Variants in TNRC6A observed in about 807,000 individuals in gnomAD.
The protein encoded by TNRC6A is trinucleotide repeat-containing gene 6A protein.
In TNRC6A, 44 loss-of-function variants were observed where a neutral mutation model predicts 221.2. That is an observed-to-expected ratio of 0.20 (90% CI 0.16 to 0.26). The LOEUF is 0.26. TNRC6A is among the 10% of genes least tolerant of loss of function. TNRC6A has a pLI of 1.00. For missense variants in TNRC6A, 2,199 were observed against 2,404.4 expected, an observed-to-expected ratio of 0.91 and a Z score of 1.79; for synonymous variants, 847 against 838.5, an observed-to-expected ratio of 1.01 and a Z score of -0.18.
At chr16:24,742,697 G>T (rs1046448366) in intron 2 of TNRC6A, among the ~76,000 whole-genome samples, 1 of 152,170 alleles carries the variant, frequency 6.6e-6, no homozygotes, top group African/African-American at 2.4e-5. Flanking sequence ...CGAGACAGGT[G>T]AATCACCTGA....
In TNRC6A at chr16:24,790,087, C is replaced by T. The variant is rs2058065122; in HGVS notation, c.1445C>T (p.Ala482Val). ...NNELPSSNTG[A>V]WRVSTMNHPQ... ...GAGCTGCCTAGTAGTAACACAGGGG[C>T]CTGGCGTGTGAGCACAATGAATCAT... The change falls in exon 6 of 25, where the codon GCC becomes GTC. Residue 482 changes from alanine to valine, a missense_variant. Around this residue, in one of 8 missense-constraint regions of TNRC6A, gnomAD observed 1,405 missense variants for 1,400.2 expected, o/e 1.00. Transcript: ENST00000395799. The T allele has an allele frequency of 1.9e-6, 3 of 1,614,158 alleles. No individual in the cohort carries two copies. The highest frequency in any genetic ancestry group is 2.5e-6 in the Non-Finnish European group (3 of 1,180,024).
At chr16:24,782,730 AAATT>A (rs2057878183) in intron 5 of TNRC6A, among the ~76,000 whole-genome samples, 1 of 151,920 alleles carries the variant, frequency 6.6e-6, no homozygotes, top group Non-Finnish European at 1.5e-5. Context: ...ACAAAAAACA[AAATT>A]AGCCAGGCGT....
At position 24,791,015 on chromosome 16, in the gene TNRC6A, G is replaced by C. The variant is rs747892750; in HGVS notation, c.2373G>C (p.Arg791Ser). The C allele has an allele frequency of 1.9e-6, 3 of 1,592,466 alleles. No individual in the cohort carries two copies. The highest frequency in any genetic ancestry group is 2.6e-6 in the Non-Finnish European group (3 of 1,169,296). The change falls in exon 6 of 25, where the codon AGG becomes AGC. Residue 791 changes from arginine to serine, a missense_variant. Arg to Ser is a moderately radical substitution (Grantham distance 110). Transcript: ENST00000395799. ...SGWGDPKPAL[R>S]WGDSKGSNCQ... is the part of the protein sequence containing the mutation. ...GGGGCGATCCCAAACCTGCTCTGAG[G>C]TGGGGAGATTCCAAAGGCTCAAACT...
At chr16:24,791,875 T>G (rs1161912274) in intron 6 of TNRC6A, 58 bp downstream of exon 6, 1 of 1,436,866 alleles carries the variant, frequency 7.0e-7, no homozygotes. Context: ...TTATAAGATT[T>G]GTATAACAAA....
rs187927499 is a variant in TNRC6A, at chr16:24,774,906, C to T, written c.164-2027C>T. On this transcript the variant is annotated intron_variant, in intron 4 of 24. Transcript: ENST00000395799. ...AATCATCTCTAGATTACTTACAATACCAAATATAATGTAAATGCTGTGTAA... is the reference window on the plus strand; with the variant it reads ...AATCATCTCTAGATTACTTACAATATCAAATATAATGTAAATGCTGTGTAA... 2.9e-4 allele frequency among the ~76,000 whole-genome samples: 44 copies of T among 152,246 alleles called. No individual in the cohort carries two copies. The East Asian group carries it at 7.7e-3, about 27-fold the overall frequency.
chr16:24,806,710 A>G lies in TNRC6A; in HGVS notation c.4466A>G (p.Asn1489Ser), dbSNP rs75588496. ...HQPAMKSFLDNVMPHTTPELQ... is the reference protein window; with the variant it reads ...HQPAMKSFLDSVMPHTTPELQ... Reference sequence around the variant, plus strand: ...CCAGCCATGAAGTCTTTCCTTGACAATGTCATGCCCCACACTACACCTGAG... The same window carrying G: ...CCAGCCATGAAGTCTTTCCTTGACAGTGTCATGCCCCACACTACACCTGAG... Residue 1489 changes from asparagine (N) to serine (S), a missense_variant, in exon 17 of 25, where the codon AAT (asparagine) becomes AGT (serine). Around this residue, in one of 8 missense-constraint regions of TNRC6A, gnomAD observed 449 missense variants for 579.7 expected, o/e 0.77. Transcript: ENST00000395799. The G allele has an allele frequency of 1.4e-5, 23 of 1,614,162 alleles. No homozygotes were observed. The highest frequency in any genetic ancestry group is 8.8e-5 in the South Asian group (8 of 91,080).
chr16:24,773,225 T>C (rs1212374029), intron 4 of TNRC6A, among the ~76,000 whole-genome samples: 2 of 152,220 alleles, frequency 1.3e-5, no homozygotes, highest in Non-Finnish European at 2.9e-5. Context: ...TTTTTTTGTG[T>C]GCACTGGTTT....
chr16:24,811,385 C>G (rs1454045320), intron 18 of TNRC6A, among the ~76,000 whole-genome samples: 1 of 152,178 alleles, frequency 6.6e-6, no homozygotes, highest in East Asian at 1.9e-4. Flanking sequence ...ATCCCTTCAT[C>G]TCAGCACCCA....
chr16:24,699,731 A>G (rs1442448523), intron 2 of TNRC6A, among the ~76,000 whole-genome samples: 3 of 152,106 alleles, frequency 2.0e-5, no homozygotes, highest in Admixed American at 1.3e-4. Flanking sequence ...CCAAAAAAAA[A>G]AAAAAAAGCT....
Position 24,822,159 on chromosome 16 carries a change from A to G in TNRC6A, c.5373+12A>G, listed in dbSNP as rs1460423033. ...ACCTTACACCTCAGGTAAGGATACCAGATACGCTGGTTTATGTGGCTACGC... is the reference window on the plus strand; with the variant it reads ...ACCTTACACCTCAGGTAAGGATACCGGATACGCTGGTTTATGTGGCTACGC... On this transcript the variant is annotated intron_variant, in intron 23 of 24. Transcript: ENST00000395799. 1 of 1,613,534 alleles carries G rather than the reference A, an allele frequency of 6.2e-7. No individual in the cohort carries two copies. The highest frequency in any genetic ancestry group is 1.7e-5 in the Admixed American group (1 of 60,018).
At position 24,720,383 on chromosome 16, in the gene TNRC6A, C is replaced by A. The variant is rs1040383890; in HGVS notation, n.403-30343C>A. On this transcript the variant is annotated intron_variant and non_coding_transcript_variant, in intron 2 of 2. Transcript: ENST00000566108. Reference sequence around the variant, plus strand: ...CACCCGTCTGGGTGACACAGCTAGACCTTGTCTCAAAAAAAGAAAAAGAGG... The same window carrying A: ...CACCCGTCTGGGTGACACAGCTAGAACTTGTCTCAAAAAAAGAAAAAGAGG... Among the ~76,000 whole-genome samples the A allele has an allele frequency of 2.0e-5, 3 of 151,190 alleles. No individual in the cohort carries two copies. In the East Asian group the frequency reaches 5.9e-4, roughly 30 times the overall value.
chr16:24,706,099 C>A (rs968845195), intron 2 of TNRC6A, among the ~76,000 whole-genome samples: 3 of 152,134 alleles, frequency 2.0e-5, no homozygotes, highest in Non-Finnish European at 4.4e-5. Context: ...CCAACGCTCA[C>A]ACTTACAACA....
chr16:24,778,746 G>A (rs1220381888), intron 5 of TNRC6A, among the ~76,000 whole-genome samples: 1 of 152,072 alleles, frequency 6.6e-6, no homozygotes, highest in East Asian at 1.9e-4. Flanking sequence ...TCTTATAGAA[G>A]GACCTGTACT....
chr16:24,667,454 G>A (rs1270209104), intron 2 of TNRC6A, among the ~76,000 whole-genome samples: 1 of 152,196 alleles, frequency 6.6e-6, no homozygotes, highest in East Asian at 1.9e-4. Context: ...TGTGGTCCAA[G>A]TAGATCATAA....
At chr16:24,761,503 G>T (rs2057362284) in intron 4 of TNRC6A, among the ~76,000 whole-genome samples, 1 of 151,962 alleles carries the variant, frequency 6.6e-6, no homozygotes, top group Non-Finnish European at 1.5e-5. Context: ...TGGGAACTTG[G>T]TTGAGAATAA....
intron 1 of TNRC6A, among the ~76,000 whole-genome samples, chr16:24,621,149 T>A (rs1900654244): frequency 6.6e-6 from 1 of 150,508 alleles, no homozygotes; most frequent in Non-Finnish European, 1.5e-5. Context: ...AAAATAGTAT[T>A]CAAGTTGTTT....
chr16:24,775,543 T>C (rs1473112451), intron 4 of TNRC6A, among the ~76,000 whole-genome samples: 5 of 152,202 alleles, frequency 3.3e-5, no homozygotes, highest in African/African-American at 1.2e-4. Flanking sequence ...GAAGAGGAAG[T>C]TGGTGGCTAT....
chr16:24,774,645 C>A (rs1415718949), intron 4 of TNRC6A, among the ~76,000 whole-genome samples: 1 of 152,088 alleles, frequency 6.6e-6, no homozygotes, highest in Admixed American at 6.5e-5. Flanking sequence ...GTAGCTGCCA[C>A]CTTAAGTTGA....
intron 4 of TNRC6A, among the ~76,000 whole-genome samples, chr16:24,766,996 A>G (rs1436019644): frequency 6.6e-6 from 1 of 152,060 alleles, no homozygotes; most frequent in African/African-American, 2.4e-5. Flanking sequence ...TCTTTTTATG[A>G]ATTTCCCATC....
Sources: allele counts gnomAD v4.1 joint callset (sites outside exome capture counted in the v4.1 genomes callset), GRCh38; gene constraint gnomAD v4.1.1; regional missense constraint gnomAD v4.1.1; transcripts MANE v1.5; gene names NCBI Gene and HGNC (gene_info 2026-07-23, HGNC 2026-07-21).